CRYBG2: variants seen among roughly 807,000 people sequenced by gnomAD.
The protein encoded by CRYBG2 is beta/gamma crystallin domain-containing protein 2.
In CRYBG2, 106 loss-of-function variants were observed where a neutral mutation model predicts 153.4. The ratio of observed to expected loss-of-function variants is 0.69; its 90% CI spans 0.59 to 0.81. The LOEUF is 0.81. CRYBG2 is among the 30% of genes least tolerant of loss of function. The pLI is 0.00. For synonymous variants in CRYBG2, 851 were observed against 877.8 expected (o/e 0.97, Z 0.54); for missense variants, 1,996 against 2,112.0 (o/e 0.95, Z 1.08).
At chr1:26,328,074 T>A (rs376421053) in intron 17 of CRYBG2, 135 bp downstream of exon 17, 2 of 1,270,118 alleles carry the variant, frequency 1.6e-6, no homozygotes, top group South Asian at 1.6e-5. Context: ...TCAAGAGGAA[T>A]GACGATGTGG....
rs941023798 is a variant in CRYBG2 at position 26,349,813 on chromosome 1, T to C, written c.-55-3101A>G. Among the ~76,000 whole-genome samples, 460 of 140,622 alleles carry C rather than the reference T, an allele frequency of 3.3e-3. 2 individuals are homozygous for C. Among genetic ancestry groups the C allele is most frequent in the African/African-American group, 0.012 (440 of 36,096 alleles). 92.3% of individuals were successfully genotyped at this position (140,622 alleles called of 152,430 possible). ...TCATGGGAGTAGGACTAGAGGCTTT[T>C]TTTTTTTTTTTTTTTTTTTGAGACA... On this transcript the variant is annotated intron_variant, in intron 1 of 19. Coordinates refer to ENST00000308182, the MANE Select transcript of CRYBG2 (RefSeq NM_001039775.4).
At chr1:26,347,037 G>A (rs568545680) in intron 1 of CRYBG2, among the ~76,000 whole-genome samples, 4 of 152,162 alleles carry the variant, frequency 2.6e-5, no homozygotes, top group Admixed American at 6.6e-5. Context: ...AGGTCTATAG[G>A]GGGGCTGGGA....
chr1:26,335,071 T>A (rs558117792), intron 14 of CRYBG2, among the ~76,000 whole-genome samples: 1 of 150,250 alleles, frequency 6.7e-6, no homozygotes, highest in Admixed American at 6.6e-5. Flanking sequence ...CATTTGCCAC[T>A]AAAAAGAACC....
chr1:26,337,082 G>A, intron 10 of CRYBG2, 102 bp from the exon 11 acceptor site: 2 of 1,566,050 alleles, frequency 1.3e-6, no homozygotes, highest in Non-Finnish European at 1.7e-6. Flanking sequence ...TTAGGGGTGA[G>A]GCTGTCAGTA....
At chr1:26,323,471 C>T (rs1280521160) in intron 18 of CRYBG2, among the ~76,000 whole-genome samples, 2 of 152,166 alleles carry the variant, frequency 1.3e-5, no homozygotes, top group East Asian at 1.9e-4. Flanking sequence ...TTATTTCTGT[C>T]TATCTCTCCC....
Position 26,342,697 on chromosome 1 carries a change from C to T in CRYBG2, c.3204+57G>A, listed in dbSNP as rs545955887. The T allele has an allele frequency of 1.3e-5, 21 of 1,589,630 alleles. 1 individual carries two copies. The South Asian group carries it at 1.4e-4, about 11-fold the overall frequency. On this transcript the variant is annotated intron_variant, in intron 5 of 19. Coordinates refer to ENST00000308182, the MANE Select transcript of CRYBG2 (RefSeq NM_001039775.4). ...TACAGGCGTGAGTCACTGCTCCTGG[C>T]CTCGGGGATTTCAACTCTAGGCACT...
intron 1 of CRYBG2, among the ~76,000 whole-genome samples, chr1:26,349,289 G>T (rs1213550878): frequency 6.6e-6 from 1 of 152,162 alleles, no homozygotes; most frequent in Non-Finnish European, 1.5e-5. Context: ...CCTACTGAAG[G>T]TTAAGAAACC....
chr1:26,327,159 C>T (rs947779018), intron 17 of CRYBG2: 1 of 246,504 alleles, frequency 4.1e-6, no homozygotes, highest in Non-Finnish European at 8.4e-6. Flanking sequence ...CATGATGAAA[C>T]CCCATCTCTA....
chr1:26,321,929 AG>A lies in CRYBG2; in HGVS notation c.*38del, dbSNP rs1389383351. 1.4e-6 allele frequency: 2 copies of A among 1,474,014 alleles called. No individual in the cohort carries two copies. Among genetic ancestry groups the A allele is most frequent in the African/African-American group, 2.8e-5 (2 of 70,228 alleles). 91.3% of individuals were successfully genotyped at this position (1,474,014 alleles called of 1,614,324 possible). ...AAAACCCTATAAAAACATTCATCCC[AG>A]CAAAAGCCTCCAGGGCTGGAGGGTG... On this transcript the variant is annotated 3_prime_UTR_variant, in exon 20 of 20. Transcript: ENST00000308182.
At chr1:26,327,808 G>A (rs529814041) in intron 17 of CRYBG2, among the ~76,000 whole-genome samples, 12 of 152,086 alleles carry the variant, frequency 7.9e-5, no homozygotes, top group African/African-American at 2.7e-4. Flanking sequence ...TTAGCTGAGC[G>A]TGGTAGCACG....
At chr1:26,326,079 A>G (rs1452960578) in intron 17 of CRYBG2, among the ~76,000 whole-genome samples, 1 of 151,804 alleles carries the variant, frequency 6.6e-6, no homozygotes, top group Admixed American at 6.6e-5. Flanking sequence ...TTTTGTAGAG[A>G]TGGGGTCTCG....
chr1:26,347,680 C>T (rs1157642781), intron 1 of CRYBG2, among the ~76,000 whole-genome samples: 3 of 151,718 alleles, frequency 2.0e-5, no homozygotes, highest in Admixed American at 6.6e-5. Context: ...TTTGTAGAGA[C>T]GGGGTTTCGC....
chr1:26,338,218 C>A, intron 7 of CRYBG2, 133 bp downstream of exon 7: 1 of 1,444,098 alleles, frequency 6.9e-7, no homozygotes, highest in Non-Finnish European at 9.3e-7. Context: ...ATAGAAGCTC[C>A]CAGGAAGCAG....
At chr1:26,328,986 C>G (rs2073966530) in intron 15 of CRYBG2, 113 bp from the exon 16 acceptor site, 1 of 1,333,442 alleles carries the variant, frequency 7.5e-7, no homozygotes. Context: ...CTTCTTCCCT[C>G]CTGAGCTCAG....
rs1010511583 is a variant in CRYBG2 at position 26,344,391 on chromosome 1, T to C, written c.2267A>G (p.Asp756Gly). 1.5e-5 allele frequency: 23 copies of C among 1,517,268 alleles called. No homozygotes were observed. The Admixed American group carries it at 2.1e-4, about 14-fold the overall frequency. 94.0% of individuals were successfully genotyped at this position (1,517,268 alleles called of 1,614,324 possible). The change falls in exon 2 of 20, where the codon GAT (aspartate) becomes GGT (glycine). Residue 756 changes from aspartate (D) to glycine (G), a missense_variant. Coordinates refer to ENST00000308182, the MANE Select transcript of CRYBG2 (RefSeq NM_001039775.4). ...CAGGTCAGCGGCCAGGGCCACCTCA[T>C]CCTCCTCCCTTGATGTCTCTGTGCA... ...KTCTETSREE[D>G]EVALAADLEI...
chr1:26,327,596 C>T (rs945779309), intron 17 of CRYBG2, among the ~76,000 whole-genome samples: 63 of 152,000 alleles, frequency 4.1e-4, no homozygotes, highest in African/African-American at 1.4e-3. Context: ...TTGCAGTGAG[C>T]CGAGATCGTG....
At chr1:26,329,293 C>A (rs1378916552) in intron 15 of CRYBG2, among the ~76,000 whole-genome samples, 1 of 150,130 alleles carries the variant, frequency 6.7e-6, no homozygotes, top group Admixed American at 6.7e-5. Flanking sequence ...TCTTCTGCCT[C>A]AGCCTCCTGA....
In CRYBG2 at chr1:26,343,039, C is replaced by A; in HGVS notation, c.3074+8G>T. The A allele has an allele frequency of 6.5e-7, 1 of 1,545,220 alleles. No individual in the cohort carries two copies. Among genetic ancestry groups the A allele is most frequent in the South Asian group, 1.2e-5 (1 of 84,062 alleles). On this transcript the variant is annotated splice_region_variant and intron_variant, in intron 4 of 19. Coordinates refer to ENST00000308182, the MANE Select transcript of CRYBG2 (RefSeq NM_001039775.4). The surrounding 1 kb of genome is among the most constrained non-coding windows in gnomAD (Gnocchi z 4.1). ...AGCCAAGTGCCTTGCTGGGCACTCCCCACTCACCAGCCTCGAACTACCCTT... is the reference window on the plus strand; with the variant it reads ...AGCCAAGTGCCTTGCTGGGCACTCCACACTCACCAGCCTCGAACTACCCTT...
In CRYBG2 at chr1:26,328,809, A is replaced by G. The variant is rs1325658427; in HGVS notation, c.4379T>C (p.Leu1460Pro). Residue 1460 changes from leucine (L) to proline (P), a missense_variant, in exon 16 of 20, where the codon CTC becomes CCC. Coordinates refer to ENST00000308182, the MANE Select transcript of CRYBG2 (RefSeq NM_001039775.4). Reference sequence around the variant, plus strand: ...TTGCAGGCTCCGCACCTCCCTGCTGAGCTCGATCTCCTTCCCCTCGAAGCA... The same window carrying G: ...TTGCAGGCTCCGCACCTCCCTGCTGGGCTCGATCTCCTTCCCCTCGAAGCA... ...LECFEGKEIE[L>P]SREVRSLQAE... 1.9e-6 allele frequency: 3 copies of G among 1,614,008 alleles called. No homozygotes were observed. Among genetic ancestry groups the G allele is most frequent in the Non-Finnish European group, 1.7e-6 (2 of 1,179,996 alleles).
Sources: allele counts gnomAD v4.1 joint callset (sites outside exome capture counted in the v4.1 genomes callset), GRCh38; gene constraint gnomAD v4.1.1; non-coding constraint Gnocchi (gnomAD v3.1); transcripts MANE v1.5; gene names NCBI Gene and HGNC (gene_info 2026-07-23, HGNC 2026-07-21).